Variants in NNMT observed in about 807,000 individuals in gnomAD.
NNMT encodes nicotinamide N-methyltransferase.
A neutral mutation model predicts 11.7 loss-of-function variants in NNMT; 10 were observed. The observed-to-expected ratio is 0.85, with a 90% CI of 0.53 to 1.45. The LOEUF is 1.45. NNMT is among the 40% of genes most tolerant of loss of function. NNMT has a pLI of 0.00. For missense variants in NNMT, 381 were observed against 319.4 expected, an observed-to-expected ratio of 1.19 and a Z score of -1.47; for synonymous variants, 143 against 133.8, an observed-to-expected ratio of 1.07 and a Z score of -0.48.
At chr11:114,305,647 C>T (rs1483382384) in intron 2 of NNMT, among the ~76,000 whole-genome samples, 2 of 151,996 alleles carry the variant, frequency 1.3e-5, no homozygotes, top group Non-Finnish European at 2.9e-5. Context: ...TGGTTTCCAG[C>T]TTCATCCATG....
chr11:114,259,358 G>GT (rs36072600), intron 1 of NNMT, among the ~76,000 whole-genome samples: 4 of 148,932 alleles, frequency 2.7e-5, no homozygotes, highest in African/African-American at 1.0e-4. Flanking sequence ...GGGGGGGGGG[G>GT]AGCTCCTGCA....
upstream of NNMT, among the ~76,000 whole-genome samples, chr11:114,294,906 A>G (rs1945361278): frequency 6.6e-6 from 1 of 152,244 alleles, no homozygotes; most frequent in Admixed American, 6.5e-5. Context: ...CACAAGGCCA[A>G]TAGTCTTCCC....
chr11:114,266,377 C>T (rs1349647075), intron 2 of NNMT, among the ~76,000 whole-genome samples: 2 of 152,190 alleles, frequency 1.3e-5, no homozygotes, highest in African/African-American at 4.8e-5. Context: ...CTTCTGCCAG[C>T]AAAGGCTCTA....
chr11:114,261,620 C>T (rs1222518775), intron 1 of NNMT, among the ~76,000 whole-genome samples: 1 of 152,106 alleles, frequency 6.6e-6, no homozygotes, highest in Non-Finnish European at 1.5e-5. Flanking sequence ...AAAAAGCTGC[C>T]TTGGTTCCTT....
At chr11:114,278,783 A>C (rs1945235957) in intron 2 of NNMT, among the ~76,000 whole-genome samples, 1 of 152,188 alleles carries the variant, frequency 6.6e-6, no homozygotes, top group African/African-American at 2.4e-5. Context: ...GAAGTTGGAT[A>C]CCAGGAGAAG....
intron 2 of NNMT, among the ~76,000 whole-genome samples, chr11:114,286,261 T>G: frequency 6.6e-6 from 1 of 152,204 alleles, no homozygotes; most frequent in Non-Finnish European, 1.5e-5. Flanking sequence ...ATGCAGGATG[T>G]TTTTTAAATT....
chr11:114,269,922 A>G (rs990846416), intron 2 of NNMT, among the ~76,000 whole-genome samples: 27 of 152,134 alleles, frequency 1.8e-4, no homozygotes, highest in Admixed American at 1.5e-3. Context: ...ATAATTAATT[A>G]AGGTCATAGA....
chr11:114,274,429 C>G (rs1945199367), intron 2 of NNMT, among the ~76,000 whole-genome samples: 1 of 152,190 alleles, frequency 6.6e-6, no homozygotes, highest in Admixed American at 6.5e-5. Context: ...GTAGCAGAGA[C>G]AGAGGCTGCA....
chr11:114,276,026 G>A (rs1190958995), intron 2 of NNMT, among the ~76,000 whole-genome samples: 4 of 152,164 alleles, frequency 2.6e-5, no homozygotes, highest in Non-Finnish European at 5.9e-5. Flanking sequence ...GCTTACATGT[G>A]ACATTTGGAA....
chr11:114,300,150 CTT>C (rs1192492668), intron 2 of NNMT, among the ~76,000 whole-genome samples: 7 of 152,022 alleles, frequency 4.6e-5, no homozygotes, highest in East Asian at 1.9e-4. Context: ...AAGTTGGAAA[CTT>C]ATATCATTTA....
intron 1 of NNMT, among the ~76,000 whole-genome samples, chr11:114,296,974 T>C (rs2135270826): frequency 6.6e-6 from 1 of 152,348 alleles, no homozygotes. Context: ...GCTAGGCGAC[T>C]TGAGGGAGAC....
chr11:114,282,726 A>G (rs1945270927), intron 2 of NNMT, among the ~76,000 whole-genome samples: 1 of 152,130 alleles, frequency 6.6e-6, no homozygotes, highest in Non-Finnish European at 1.5e-5. Context: ...AGATGAAGAG[A>G]ATCCAATGGA....
chr11:114,260,564 G>C (rs538075), intron 1 of NNMT, among the ~76,000 whole-genome samples: 52,897 of 151,926 alleles, frequency 0.35, 11,082 homozygotes, highest in African/African-American at 0.59. Context: ...TCCGGGCTCC[G>C]GTGTGGTCAA....
intron 2 of NNMT, among the ~76,000 whole-genome samples, chr11:114,268,079 G>T (rs10891640): frequency 0.3 from 46,272 of 152,006 alleles, 7,904 homozygotes; most frequent in African/African-American, 0.46. Flanking sequence ...AATGGGGCTG[G>T]GTAGTAGGAG....
intron 2 of NNMT, among the ~76,000 whole-genome samples, chr11:114,284,618 C>A (rs925714475): frequency 1.3e-5 from 2 of 151,902 alleles, no homozygotes; most frequent in Non-Finnish European, 2.9e-5. Context: ...CATGTGCCAC[C>A]ACACCCGACT....
intron 2 of NNMT, among the ~76,000 whole-genome samples, chr11:114,311,796 G>A (rs1320208261): frequency 6.6e-6 from 1 of 152,156 alleles, no homozygotes; most frequent in African/African-American, 2.4e-5. Context: ...GGTAGAAGCA[G>A]GCTGCTAGGT....
At chr11:114,284,427 C>T (rs781354231) in intron 2 of NNMT, among the ~76,000 whole-genome samples, 2 of 152,168 alleles carry the variant, frequency 1.3e-5, no homozygotes, top group African/African-American at 4.8e-5. Context: ...CCTCAACCAC[C>T]TTCACCCCAA....
chr11:114,285,912 T>A (rs965748474), intron 2 of NNMT, among the ~76,000 whole-genome samples: 7 of 152,284 alleles, frequency 4.6e-5, no homozygotes, highest in Non-Finnish European at 1.0e-4. Context: ...CCTACAGAAG[T>A]CTGTGTCATC....
intron 2 of NNMT, among the ~76,000 whole-genome samples, chr11:114,268,768 CAAA>C (rs34012236): frequency 1.4e-5 from 1 of 69,646 alleles, no homozygotes. Context: ...GACTCCGTCT[CAAA>C]AAAAAAAAAA....
Sources: allele counts gnomAD v4.1 joint callset (sites outside exome capture counted in the v4.1 genomes callset), GRCh38; gene constraint gnomAD v4.1.1; transcripts MANE v1.5; gene names NCBI Gene and HGNC (gene_info 2026-07-23, HGNC 2026-07-21).